The following TCOF1 variants were observed in gnomAD, a reference collection of about 807,000 sequenced individuals.
The protein encoded by TCOF1 is treacle ribosome biogenesis factor 1.
A neutral mutation model predicts 149.0 loss-of-function variants in TCOF1; 33 were observed. That is an observed-to-expected ratio of 0.22 (90% CI 0.17 to 0.30). The LOEUF is 0.30. Ranked by LOEUF, TCOF1 falls within the 10% of genes least tolerant of loss-of-function variation. TCOF1 has a pLI of 1.00. For synonymous variants in TCOF1, 789 were observed against 738.8 expected (o/e 1.07, Z -1.10); for missense variants, 1,728 against 1,840.7 (o/e 0.94, Z 1.12).
intron 22 of TCOF1, chr5:150,393,011 G>T (rs1767758663): frequency 1.6e-6 from 1 of 624,716 alleles, no homozygotes; most frequent in Admixed American, 2.7e-5. Context: ...TGACCCTTGG[G>T]GTCTGTAGAA....
intron 13 of TCOF1, 21 bp downstream of exon 13, chr5:150,376,351 G>T (rs771943411): frequency 1.2e-6 from 2 of 1,613,998 alleles, no homozygotes; most frequent in African/African-American, 2.7e-5. Flanking sequence ...TGTTTTCTGG[G>T]CGGGCCTCAG....
chr5:150,384,992 G>A (rs1362431129), intron 17 of TCOF1: 11 of 985,230 alleles, frequency 1.1e-5, no homozygotes, highest in South Asian at 9.4e-5. Context: ...CTGTGCCTCC[G>A]CCCTGTTGTG....
At chr5:150,386,557 C>T (rs1766348168) in intron 17 of TCOF1, among the ~76,000 whole-genome samples, 1 of 152,188 alleles carries the variant, frequency 6.6e-6, no homozygotes, top group Non-Finnish European at 1.5e-5. Context: ...CACCTTAGCA[C>T]CCTGAGGAGC....
intron 3 of TCOF1, among the ~76,000 whole-genome samples, chr5:150,365,273 T>A (rs1201299117): frequency 6.7e-6 from 1 of 148,524 alleles, no homozygotes; most frequent in African/African-American, 2.5e-5. Flanking sequence ...TTTTTTTTTT[T>A]AATAGAGACG....
At chr5:150,382,847 G>A (rs1025230486) in intron 17 of TCOF1, among the ~76,000 whole-genome samples, 77 of 152,348 alleles carry the variant, frequency 5.1e-4, no homozygotes, top group Non-Finnish European at 2.9e-5. Context: ...TTCATGTTCG[G>A]AGTCAGCTCT....
intron 26 of TCOF1, 24 bp from the exon 27 acceptor site, chr5:150,399,786 T>A (rs1049246631): frequency 2.0e-5 from 3 of 153,688 alleles, no homozygotes; most frequent in African/African-American, 7.2e-5. Context: ...AAATTTGACA[T>A]CTGCATGTGT....
intron 19 of TCOF1, among the ~76,000 whole-genome samples, chr5:150,390,560 AC>A (rs1164002806): frequency 6.6e-6 from 1 of 151,052 alleles, no homozygotes; most frequent in African/African-American, 2.4e-5. Context: ...GTCTTCTGAG[AC>A]CCAGTTCATT....
chr5:150,397,144 C>T (rs186719602), intron 24 of TCOF1, among the ~76,000 whole-genome samples: 15 of 81,522 alleles, frequency 1.8e-4, no homozygotes, highest in Non-Finnish European at 2.8e-4. Flanking sequence ...GGTGACAGAG[C>T]AAGACTGTCA....
Position 150,387,940 on chromosome 5 carries a change from T to G in TCOF1, c.2898T>G (p.Arg966=). ...CTCTGATTTTTGTCGACCCTAATCGTAGTCCAGCTGGCCCAGCTGCTACAC... is the reference window on the plus strand; with the variant it reads ...CTCTGATTTTTGTCGACCCTAATCGGAGTCCAGCTGGCCCAGCTGCTACAC... The part of the protein sequence containing the change: ...KPPLIFVDPN[R]SPAGPAATPA... The change falls in exon 18 of 27, where the codon CGT becomes CGG. Residue 966 remains arginine, a synonymous_variant. Transcript: ENST00000643257. 6.2e-7 allele frequency: 1 copy of G among 1,613,962 alleles called. No homozygotes were observed. The highest frequency in any genetic ancestry group is 8.5e-7 in the Non-Finnish European group (1 of 1,179,994).
At chr5:150,375,699 G>A (rs775791648) in intron 11 of TCOF1, 22 bp from the exon 12 acceptor site, 14 of 1,614,064 alleles carry the variant, frequency 8.7e-6, no homozygotes, top group Non-Finnish European at 1.0e-5. Context: ...TCCCTCTCCC[G>A]ATCCTGTGTA....
rs759641521 is a variant in TCOF1 at position 150,396,880 on chromosome 5, C to T, written c.4345+38C>T. On this transcript the variant is annotated intron_variant, in intron 24 of 26. Transcript: ENST00000643257. Reference sequence around the variant, plus strand: ...TTCTCCCAGCCCACCCCAAGGGCTGCTGGGCACCCCACGGGGGCGGGAGGG... The same window carrying T: ...TTCTCCCAGCCCACCCCAAGGGCTGTTGGGCACCCCACGGGGGCGGGAGGG... 47 of 1,561,682 alleles carry T rather than the reference C, an allele frequency of 3.0e-5. No homozygotes were observed. In the African/African-American group the frequency reaches 6.1e-4, roughly 20 times the overall value.
At chr5:150,384,451 G>A (rs762975894) in intron 17 of TCOF1, 6 of 985,324 alleles carry the variant, frequency 6.1e-6, no homozygotes, top group South Asian at 4.7e-5. Flanking sequence ...ATTCTGACCC[G>A]TTGCCTGGTG....
chr5:150,375,863 A>G lies in TCOF1; in HGVS notation c.1847A>G (p.Asp616Gly). ...TCGGAGAGCAGCGAGGAGTCATCGGACAGTGCGGACAGTGAGGAGGCACCA... is the reference window on the plus strand; with the variant it reads ...TCGGAGAGCAGCGAGGAGTCATCGGGCAGTGCGGACAGTGAGGAGGCACCA... ...DNSESSEESS[D>G]SADSEEAPAA... Residue 616 changes from aspartate (D) to glycine (G), a missense_variant, in exon 12 of 27, where the codon GAC becomes GGC. Asp to Gly is a moderately conservative substitution (Grantham distance 94). Coordinates refer to ENST00000643257, the MANE Select transcript of TCOF1 (RefSeq NM_001371623.1). 2 of 1,613,802 alleles carry G rather than the reference A, an allele frequency of 1.2e-6. No homozygotes were observed. The highest frequency in any genetic ancestry group is 1.7e-6 in the Non-Finnish European group (2 of 1,179,718).
intron 14 of TCOF1, chr5:150,378,680 A>G (rs904503566): frequency 2.2e-5 from 13 of 590,836 alleles, no homozygotes; most frequent in Middle Eastern, 4.6e-4. Flanking sequence ...TGAATCTCCT[A>G]TTTAGTCTTC....
intron 25 of TCOF1, among the ~76,000 whole-genome samples, chr5:150,398,743 C>G (rs1253010261): frequency 6.6e-6 from 1 of 152,266 alleles, no homozygotes; most frequent in Non-Finnish European, 1.5e-5. Flanking sequence ...GAAACGTTGC[C>G]TGGGCTGCGT....
In TCOF1 at chr5:150,375,810, GGTCAAGGCTGA is replaced by G. The variant is rs766677287; in HGVS notation, c.1795_1805del (p.Val599LysfsTer19). The G allele has an allele frequency of 1.7e-5, 27 of 1,614,242 alleles. No individual in the cohort carries two copies. Among genetic ancestry groups the G allele is most frequent in the Non-Finnish European group, 2.3e-5 (27 of 1,180,040 alleles). ...AGAAGGCAGGGCCTGTAGCCGTCCA[GGTCAAGGCTGA>G]AAAGCCCATGGACAACTCGGAGAGC... On this transcript the variant is annotated frameshift_variant, in exon 12 of 27. Coordinates refer to ENST00000643257, the MANE Select transcript of TCOF1 (RefSeq NM_001371623.1). LOFTEE classifies it high-confidence loss of function.
Position 150,376,525 on chromosome 5 carries a change from C to T in TCOF1, c.2245C>T (p.Pro749Ser), listed in dbSNP as rs73270846. The T allele has an allele frequency of 1.8e-3, 2,937 of 1,611,454 alleles. 44 individuals are homozygous for T. The African/African-American group carries it at 0.031, about 17-fold the overall frequency. The change falls in exon 14 of 27, where the codon CCT becomes TCT. Residue 749 changes from proline (P) to serine (S), a missense_variant. Around this residue, in one of 2 missense-constraint regions of TCOF1, gnomAD observed 1,696 missense variants for 1,765.4 expected, o/e 0.96. Transcript: ENST00000643257. ...TCCAGTACTCCCTGGGAAGACGGGG[C>T]CTACAGTCACCCAGGTGAAAGCTGA... ...TAPVLPGKTG[P>S]TVTQVKAEKQ...
chr5:150,397,286 T>C (rs1269568094), intron 24 of TCOF1, among the ~76,000 whole-genome samples: 4 of 149,630 alleles, frequency 2.7e-5, no homozygotes, highest in Admixed American at 6.6e-5. Flanking sequence ...GGACGAGGAG[T>C]CATGTCCTCT....
chr5:150,396,270 C>G lies in TCOF1; in HGVS notation c.3785-12C>G, dbSNP rs748581483. 2.5e-6 allele frequency: 4 copies of G among 1,613,918 alleles called. No homozygotes were observed. Among genetic ancestry groups the G allele is most frequent in the South Asian group, 2.2e-5 (2 of 91,072 alleles). ...TCTCCCAGATCTGTGACCCCACATT[C>G]TCTCTCCATAGGTGGAAAAGAGGCT... is the stretch of plus-strand genomic sequence containing the variant. On this transcript the variant is annotated splice_polypyrimidine_tract_variant and intron_variant, in intron 23 of 26. Coordinates refer to ENST00000643257, the MANE Select transcript of TCOF1 (RefSeq NM_001371623.1).
Sources: allele counts gnomAD v4.1 joint callset (sites outside exome capture counted in the v4.1 genomes callset), GRCh38; gene constraint gnomAD v4.1.1; regional missense constraint gnomAD v4.1.1; transcripts MANE v1.5; gene names NCBI Gene and HGNC (gene_info 2026-07-23, HGNC 2026-07-21).